The following LRRIQ3 variants were observed in gnomAD, a reference collection of about 807,000 sequenced individuals.
LRRIQ3 encodes the protein leucine-rich repeat and IQ domain-containing protein 3.
In LRRIQ3, 75 loss-of-function variants were observed where a neutral mutation model predicts 59.3. That is an observed-to-expected ratio of 1.26 (90% confidence interval 1.05 to 1.53). The LOEUF is 1.53. Among genes scored for constraint, LRRIQ3 ranks in the 40% most tolerant of loss-of-function variants. The pLI, the probability that LRRIQ3 is intolerant of heterozygous loss-of-function variation, is 0.00. For missense variants in LRRIQ3, 831 were observed against 710.0 expected (o/e 1.17, Z -1.94); for synonymous variants, 250 against 231.3 (o/e 1.08, Z -0.73).
intron 4 of LRRIQ3, chr1:74,138,518 T>C (rs1557635234): frequency 1.0e-6 from 1 of 984,080 alleles, no homozygotes; most frequent in Non-Finnish European, 1.2e-6. Flanking sequence ...GTTGTCTCAA[T>C]ATGAGAAACA....
chr1:74,145,234 C>G (rs1337777418), intron 4 of LRRIQ3, among the ~76,000 whole-genome samples: 1 of 152,102 alleles, frequency 6.6e-6, no homozygotes, highest in East Asian at 1.9e-4. Flanking sequence ...TTTTACTTGT[C>G]AGGGACAATC....
chr1:74,039,471 C>T (rs1019807583), intron 7 of LRRIQ3, among the ~76,000 whole-genome samples: 2 of 152,048 alleles, frequency 1.3e-5, no homozygotes, highest in African/African-American at 2.4e-5. Flanking sequence ...TCAGGAAATA[C>T]AGAGAACACC....
intron 5 of LRRIQ3, among the ~76,000 whole-genome samples, chr1:74,086,877 T>C (rs986757872): frequency 6.6e-6 from 1 of 152,090 alleles, no homozygotes; most frequent in African/African-American, 2.4e-5. Context: ...AATCCTATTA[T>C]GCTCTTTTAT....
chr1:74,127,100 T>C (rs1241853747), intron 4 of LRRIQ3, among the ~76,000 whole-genome samples: 1 of 152,016 alleles, frequency 6.6e-6, no homozygotes, highest in Non-Finnish European at 1.5e-5. Flanking sequence ...TACCATTATA[T>C]AATAACCTTC....
At chr1:74,032,049 T>G (rs979097854) in intron 7 of LRRIQ3, among the ~76,000 whole-genome samples, 4 of 151,992 alleles carry the variant, frequency 2.6e-5, no homozygotes, top group Admixed American at 2.6e-4. Flanking sequence ...TGTCAATTTT[T>G]CCCAAGTGGA....
At chr1:74,178,639 T>C (rs1649789722) in intron 3 of LRRIQ3, among the ~76,000 whole-genome samples, 1 of 152,158 alleles carries the variant, frequency 6.6e-6, no homozygotes, top group Non-Finnish European at 1.5e-5. Context: ...TTAGTTGCCT[T>C]ACAAGAATCT....
chr1:74,192,678 A>G (rs1276074548), intron 1 of LRRIQ3, among the ~76,000 whole-genome samples: 4 of 152,228 alleles, frequency 2.6e-5, no homozygotes, highest in African/African-American at 7.2e-5. Context: ...AACAACCTTA[A>G]TATTTTTAAA....
rs75173677 is a variant in LRRIQ3, at chr1:74,055,727, G to A, written c.998-13794C>T. Among the ~76,000 whole-genome samples the A allele has an allele frequency of 9.7e-3, 1,484 of 152,208 alleles. 28 individuals carry two copies. The highest frequency in any genetic ancestry group is 0.034 in the African/African-American group (1,417 of 41,526). On this transcript the variant is annotated intron_variant, in intron 6 of 7. Coordinates refer to ENST00000354431, the MANE Select transcript of LRRIQ3 (RefSeq NM_001105659.2). Reference sequence around the variant, plus strand: ...TATGATTCTCTTGGCTATACTGCTAGAAATAAAATTAGGGGTTCATATGGC... The same window carrying A: ...TATGATTCTCTTGGCTATACTGCTAAAAATAAAATTAGGGGTTCATATGGC...
intron 4 of LRRIQ3, among the ~76,000 whole-genome samples, chr1:74,139,054 G>A (rs1490385188): frequency 1.3e-5 from 2 of 148,910 alleles, no homozygotes; most frequent in African/African-American, 5.0e-5. Context: ...ATGTATTTAT[G>A]TGTATATATA....
At chr1:74,056,638 C>A (rs1190371565) in intron 6 of LRRIQ3, among the ~76,000 whole-genome samples, 2 of 151,860 alleles carry the variant, frequency 1.3e-5, no homozygotes, top group Non-Finnish European at 2.9e-5. Context: ...AATAAAATAA[C>A]TAGAAATAAA....
chr1:74,183,672 T>C lies in LRRIQ3; in HGVS notation c.13A>G (p.Thr5Ala). Residue 5 changes from threonine to alanine, a missense_variant, in exon 2 of 8, where the codon ACA (threonine) becomes GCA (alanine). Transcript: ENST00000354431. MFHG[T>A]VTEELTSHEE... ...TGACTGGTTAGCTCTTCTGTGACTG[T>C]TCCATGAAACATCTAGGAAAGATAA... The C allele has an allele frequency of 6.4e-7, 1 of 1,560,952 alleles. No homozygotes were observed. The highest frequency in any genetic ancestry group is 8.7e-7 in the Non-Finnish European group (1 of 1,155,264).
intron 5 of LRRIQ3, among the ~76,000 whole-genome samples, chr1:74,102,148 T>C (rs1482214086): frequency 1.3e-5 from 2 of 151,768 alleles, no homozygotes; most frequent in Non-Finnish European, 1.5e-5. Flanking sequence ...ACATTCTTCA[T>C]AGTTTATCGC....
At chr1:74,163,079 T>C (rs1288126004) in intron 3 of LRRIQ3, among the ~76,000 whole-genome samples, 2 of 151,628 alleles carry the variant, frequency 1.3e-5, no homozygotes, top group Non-Finnish European at 3.0e-5. Flanking sequence ...ATACACTATA[T>C]ATTTTGAAAC....
intron 5 of LRRIQ3, among the ~76,000 whole-genome samples, chr1:74,104,621 GA>G (rs1646583463): frequency 6.6e-6 from 1 of 152,030 alleles, no homozygotes; most frequent in Non-Finnish European, 1.5e-5. Flanking sequence ...CGACATTTCA[GA>G]AAAGGCAAAA....
chr1:74,129,563 G>T (rs141860989), intron 4 of LRRIQ3, among the ~76,000 whole-genome samples: 63 of 152,080 alleles, frequency 4.1e-4, no homozygotes, highest in African/African-American at 1.4e-3. Flanking sequence ...GAGACCCTTG[G>T]TGCTCTACTC....
At chr1:74,142,449 C>A (rs1475978683) in intron 4 of LRRIQ3, among the ~76,000 whole-genome samples, 1 of 151,934 alleles carries the variant, frequency 6.6e-6, no homozygotes, top group Admixed American at 6.6e-5. Context: ...CACACCCAGT[C>A]CACTTCAACC....
At chr1:74,141,232 C>CT (rs1647242023) in intron 4 of LRRIQ3, among the ~76,000 whole-genome samples, 1 of 151,904 alleles carries the variant, frequency 6.6e-6, no homozygotes, top group South Asian at 2.1e-4. Flanking sequence ...CCAAGATATT[C>CT]TTGTTGTCTA....
At chr1:74,125,548 T>C (rs1007854480) in intron 4 of LRRIQ3, among the ~76,000 whole-genome samples, 1 of 151,832 alleles carries the variant, frequency 6.6e-6, no homozygotes, top group Non-Finnish European at 1.5e-5. Context: ...TTTATTTAGG[T>C]TTTTATCATA....
intron 4 of LRRIQ3, among the ~76,000 whole-genome samples, chr1:74,118,717 G>A (rs1336297097): frequency 6.6e-6 from 1 of 152,104 alleles, no homozygotes; most frequent in African/African-American, 2.4e-5. Context: ...GAGAGCAAGA[G>A]AGATTTATTT....
Sources: allele counts gnomAD v4.1 joint callset (sites outside exome capture counted in the v4.1 genomes callset), GRCh38; gene constraint gnomAD v4.1.1; transcripts MANE v1.5; gene names NCBI Gene and HGNC (gene_info 2026-07-23, HGNC 2026-07-21).